MSI2: variants seen among roughly 807,000 people sequenced by gnomAD.
MSI2 encodes musashi RNA binding protein 2.
Under a neutral mutation model 45.6 loss-of-function variants are expected in MSI2, and 17 were observed. The observed-to-expected ratio is 0.37, with a 90% CI of 0.26 to 0.56. The LOEUF (loss-of-function observed/expected upper bound fraction) is 0.56. MSI2 is among the 20% of genes least tolerant of loss of function. MSI2 has a pLI of 0.77. For synonymous variants in MSI2, 156 were observed against 158.2 expected (o/e 0.99, Z 0.11); for missense variants, 293 against 444.2 (o/e 0.66, Z 3.06).
downstream of MSI2, among the ~76,000 whole-genome samples, chr17:57,686,363 G>A (rs1038563224): frequency 9.9e-5 from 15 of 152,256 alleles, no homozygotes; most frequent in South Asian, 2.1e-4. Context: ...GAAGGAAAAA[G>A]AAGAAACAAC....
At chr17:57,386,029 A>C (rs2083680383) in intron 5 of MSI2, among the ~76,000 whole-genome samples, 1 of 152,230 alleles carries the variant, frequency 6.6e-6, no homozygotes, top group Non-Finnish European at 1.5e-5. Flanking sequence ...CAGTTGTCCT[A>C]GAATCTATGA....
downstream of MSI2, among the ~76,000 whole-genome samples, chr17:57,686,436 A>G (rs1567979860): frequency 1.3e-5 from 2 of 152,240 alleles, no homozygotes; most frequent in Admixed American, 6.5e-5. Flanking sequence ...ATCTACCATT[A>G]TCTAAATATG....
At chr17:57,373,013 C>A (rs2083443234) in intron 5 of MSI2, among the ~76,000 whole-genome samples, 1 of 152,088 alleles carries the variant, frequency 6.6e-6, no homozygotes, top group East Asian at 1.9e-4. Flanking sequence ...CTTTATGAAG[C>A]CAAGGCAGGT....
intron 5 of MSI2, among the ~76,000 whole-genome samples, chr17:57,400,721 A>G (rs2083973192): frequency 6.6e-6 from 1 of 152,056 alleles, no homozygotes; most frequent in Admixed American, 6.6e-5. Context: ...TGCCGTAGTT[A>G]GGTTCAGGAG....
chr17:57,546,240 A>G (rs1374884075), intron 7 of MSI2, among the ~76,000 whole-genome samples: 1 of 152,180 alleles, frequency 6.6e-6, no homozygotes, highest in Admixed American at 6.5e-5. Context: ...TCTGAACACA[A>G]TCTTCTGTCA....
intron 6 of MSI2, among the ~76,000 whole-genome samples, chr17:57,488,610 G>A (rs540254192): frequency 1.2e-4 from 18 of 152,078 alleles, no homozygotes; most frequent in Non-Finnish European, 2.1e-4. Flanking sequence ...ATCACCTGCC[G>A]TCAGGAGTTT....
chr17:57,329,641 A>G (rs1012275492), intron 5 of MSI2, among the ~76,000 whole-genome samples: 6 of 152,212 alleles, frequency 3.9e-5, no homozygotes, highest in African/African-American at 9.6e-5. Flanking sequence ...ACTTATTTAC[A>G]TGAGTTAGTG....
chr17:57,392,605 C>T (rs2083814956), intron 5 of MSI2, among the ~76,000 whole-genome samples: 1 of 152,116 alleles, frequency 6.6e-6, no homozygotes, highest in South Asian at 2.1e-4. Flanking sequence ...TAGCTATATA[C>T]AGGGAGGGAG....
chr17:57,481,892 G>A (rs1188730697), intron 6 of MSI2, among the ~76,000 whole-genome samples: 4 of 152,194 alleles, frequency 2.6e-5, no homozygotes, highest in African/African-American at 9.7e-5. Context: ...GGGTAGGAAA[G>A]ATAATAGAAC....
At chr17:57,361,263 A>G (rs1916793103) in intron 5 of MSI2, among the ~76,000 whole-genome samples, 1 of 152,154 alleles carries the variant, frequency 6.6e-6, no homozygotes, top group South Asian at 2.1e-4. Flanking sequence ...TATGTATTAT[A>G]TACTGCATTT....
intron 7 of MSI2, among the ~76,000 whole-genome samples, chr17:57,583,021 C>G (rs1010559717): frequency 5.9e-5 from 9 of 152,214 alleles, no homozygotes; most frequent in African/African-American, 2.2e-4. Context: ...ATTCACTTGG[C>G]TGCAACTTGT....
downstream of MSI2, among the ~76,000 whole-genome samples, chr17:57,686,665 TATGTC>T: frequency 6.6e-6 from 1 of 152,212 alleles, no homozygotes; most frequent in South Asian, 2.1e-4. Flanking sequence ...ACAGCAATAT[TATGTC>T]ATGACAAAAG....
At chr17:57,574,559 A>G (rs1169121954) in intron 7 of MSI2, among the ~76,000 whole-genome samples, 2 of 152,090 alleles carry the variant, frequency 1.3e-5, no homozygotes, top group African/African-American at 2.4e-5. Flanking sequence ...GGCCACCCCC[A>G]GTCTCTCCTA....
At chr17:57,606,803 G>T (rs1906629846) in intron 8 of MSI2, among the ~76,000 whole-genome samples, 1 of 152,098 alleles carries the variant, frequency 6.6e-6, no homozygotes. Flanking sequence ...AGTTGTGGAA[G>T]CTAGCATCGG....
At chr17:57,525,618 C>T (rs1261549165) in intron 6 of MSI2, among the ~76,000 whole-genome samples, 1 of 152,136 alleles carries the variant, frequency 6.6e-6, no homozygotes, top group African/African-American at 2.4e-5. Context: ...CAAAGATACA[C>T]CACTAAAGAT....
intron 6 of MSI2, among the ~76,000 whole-genome samples, chr17:57,435,187 A>G (rs1380537358): frequency 3.9e-5 from 6 of 152,122 alleles, no homozygotes; most frequent in African/African-American, 1.2e-4. Flanking sequence ...AGTCTCTCTC[A>G]GAAGCTGGTT....
chr17:57,629,857 C>A (rs1206413775), intron 10 of MSI2: 2 of 152,418 alleles, frequency 1.3e-5, no homozygotes, highest in Non-Finnish European at 2.9e-5. Context: ...CAACCTGCTC[C>A]CCTCCGTAAT....
chr17:57,390,075 CAA>C (rs55932533), intron 5 of MSI2, among the ~76,000 whole-genome samples: 13 of 139,278 alleles, frequency 9.3e-5, no homozygotes, highest in Admixed American at 1.4e-4. Context: ...CTGTCTTTAC[CAA>C]AAAAAAAAAA....
chr17:57,697,150 A>ACACACATACATACACACACACACT, the MSI2 span, among the ~76,000 whole-genome samples: 1 of 150,558 alleles, frequency 6.6e-6, no homozygotes, highest in Non-Finnish European at 1.5e-5. Context: ...CAGGACACAC[A>ACACACATACATACACACACACACT]CACACACACA....
Sources: gnomAD v4.1 joint callset for allele counts (sites outside exome capture counted in the v4.1 genomes callset) on GRCh38, gnomAD v4.1.1 for gene constraint, MANE v1.5 for transcripts, NCBI Gene and HGNC (gene_info 2026-07-23, HGNC 2026-07-21) for gene names.